The following GVQW3 variants were observed in gnomAD, a reference collection of about 807,000 sequenced individuals.
The protein encoded by GVQW3 is protein GVQW3.
Under a neutral mutation model 12.5 loss-of-function variants are expected in GVQW3, and 7 were observed. The ratio of observed to expected loss-of-function variants is 0.56; its 90% CI spans 0.32 to 1.05. The LOEUF (loss-of-function observed/expected upper bound fraction) is 1.05. Ranked by LOEUF, GVQW3 falls within the 50% of genes least tolerant of loss-of-function variation. The pLI, the probability that GVQW3 is intolerant of heterozygous loss-of-function variation, is 0.04. For missense variants in GVQW3, 188 were observed against 190.8 expected (o/e 0.99, Z 0.09); for synonymous variants, 71 against 67.2 (o/e 1.06, Z -0.28).
intron 1 of GVQW3, among the ~76,000 whole-genome samples, chr11:76,402,919 T>G (rs1356848828): frequency 6.6e-6 from 1 of 151,232 alleles, no homozygotes; most frequent in African/African-American, 2.4e-5. Context: ...AGGCTGGAGG[T>G]AGACATTTAT....
chr11:76,409,861 T>G (rs1947069478), downstream of GVQW3, among the ~76,000 whole-genome samples: 1 of 152,174 alleles, frequency 6.6e-6, no homozygotes, highest in African/African-American at 2.4e-5. Context: ...TGAAAACAAT[T>G]TATTGATCAG....
At chr11:76,400,914 CTT>C in intron 1 of GVQW3, among the ~76,000 whole-genome samples, 1 of 152,056 alleles carries the variant, frequency 6.6e-6, no homozygotes, top group Non-Finnish European at 1.5e-5. Flanking sequence ...ATCTTTGAGT[CTT>C]TAATTTTAGT....
chr11:76,381,906 C>T lies in GVQW3; in HGVS notation c.78C>T (p.His26=). ...TGAACAAGTCTGCAAGTGAGACCCA[C>T]CATCTTTTAAAAGAAGCTTATGGGG... ...VKLNKSASET[H]HLLKEAYGDE... The change falls in exon 1 of 2, where the codon CAC becomes CAT. Residue 26 remains histidine, a synonymous_variant. Transcript: ENST00000529331. 6.5e-7 allele frequency: 1 copy of T among 1,536,494 alleles called. No homozygotes were observed. The highest frequency in any genetic ancestry group is 2.0e-5 in the Admixed American group (1 of 50,992).
At chr11:76,384,930 T>G (rs2134535249) in intron 1 of GVQW3, among the ~76,000 whole-genome samples, 1 of 152,322 alleles carries the variant, frequency 6.6e-6, no homozygotes, top group South Asian at 2.1e-4. Flanking sequence ...TGTTGCAGAT[T>G]TATATGCTCC....
At chr11:76,382,783 G>A (rs1182069158) in intron 1 of GVQW3, 7 of 233,160 alleles carry the variant, frequency 3.0e-5, no homozygotes, top group African/African-American at 4.5e-5. Flanking sequence ...GATCATGCCA[G>A]TGAGAAGAGA....
At chr11:76,393,986 C>T (rs544884060) in intron 1 of GVQW3, among the ~76,000 whole-genome samples, 16 of 152,230 alleles carry the variant, frequency 1.1e-4, no homozygotes, top group African/African-American at 3.9e-4. Flanking sequence ...GCAGCCTCCA[C>T]CTCCTGGGTT....
intron 1 of GVQW3, among the ~76,000 whole-genome samples, chr11:76,396,178 A>G (rs974454194): frequency 6.6e-6 from 1 of 152,126 alleles, no homozygotes; most frequent in African/African-American, 2.4e-5. Flanking sequence ...TATCATTATC[A>G]TATGATTCTT....
chr11:76,412,316 G>A (rs1234187531), downstream of GVQW3: 1 of 152,270 alleles, frequency 6.6e-6, no homozygotes, highest in African/African-American at 2.4e-5. Flanking sequence ...AGAGGATGGA[G>A]TGATTCATTC....
chr11:76,394,405 A>G (rs1449901372), intron 1 of GVQW3, among the ~76,000 whole-genome samples: 1 of 150,440 alleles, frequency 6.6e-6, no homozygotes, highest in Non-Finnish European at 1.5e-5. Flanking sequence ...CATTTATTTT[A>G]ATTGTAGCTC....
chr11:76,410,007 A>G (rs1459906957), downstream of GVQW3, among the ~76,000 whole-genome samples: 1 of 152,172 alleles, frequency 6.6e-6, no homozygotes, highest in Non-Finnish European at 1.5e-5. Context: ...CTGTAATTCC[A>G]GCACTTTGGG....
Position 76,381,801 on chromosome 11 carries a change from A to AAACGTG in GVQW3, c.-23_-22insGAACGT, listed in dbSNP as rs1946771639. On this transcript the variant is annotated 5_prime_UTR_variant, in exon 1 of 2. Transcript: ENST00000529331. The stretch of plus-strand genomic sequence containing the variant: ...CTTTCCCTTACAGTCGTGGCCTGTT[A>AAACGTG]AACGTTCCTGTGTTGTTCAGTGCCA... The AAACGTG allele has an allele frequency of 6.7e-7, 1 of 1,492,116 alleles. No individual in the cohort carries two copies. Among genetic ancestry groups the AAACGTG allele is most frequent in the African/African-American group, 1.4e-5 (1 of 71,498 alleles). 92.4% of individuals were successfully genotyped at this position (1,492,116 alleles called of 1,614,324 possible). A position where few individuals can be genotyped will look rare whatever the true frequency, so the allele number is the denominator to read the frequency against.
intron 1 of GVQW3, among the ~76,000 whole-genome samples, chr11:76,391,487 C>T (rs1279321689): frequency 6.6e-6 from 1 of 152,178 alleles, no homozygotes; most frequent in African/African-American, 2.4e-5. Flanking sequence ...GAGACCAGGG[C>T]ATTGACAGAA....
chr11:76,385,527 G>T (rs924898874), intron 1 of GVQW3, among the ~76,000 whole-genome samples: 3 of 152,110 alleles, frequency 2.0e-5, no homozygotes, highest in Non-Finnish European at 4.4e-5. Context: ...CTCTTTCCTT[G>T]TTGCTTTGTT....
At chr11:76,382,484 C>A (rs906486437) in intron 1 of GVQW3, 191 bp downstream of exon 1, 10 of 632,440 alleles carry the variant, frequency 1.6e-5, no homozygotes, top group Non-Finnish European at 2.8e-5. Flanking sequence ...TTAGCTGAAC[C>A]AGAACTAGGA....
At chr11:76,387,750 C>G (rs1002047917) in intron 1 of GVQW3, among the ~76,000 whole-genome samples, 1 of 151,950 alleles carries the variant, frequency 6.6e-6, no homozygotes, top group African/African-American at 2.4e-5. Flanking sequence ...GGTGAAACCC[C>G]ATCTCTACAA....
chr11:76,410,039 T>C (rs775216027), downstream of GVQW3, among the ~76,000 whole-genome samples: 1 of 152,170 alleles, frequency 6.6e-6, no homozygotes, highest in Non-Finnish European at 1.5e-5. Flanking sequence ...GGAGGATCAC[T>C]TGAACCCAGG....
intron 1 of GVQW3, among the ~76,000 whole-genome samples, chr11:76,390,348 G>A (rs1020166325): frequency 5.3e-5 from 8 of 152,144 alleles, no homozygotes; most frequent in Non-Finnish European, 1.0e-4. Context: ...TACCCTCTAA[G>A]GTTGTCAGTT....
downstream of GVQW3, among the ~76,000 whole-genome samples, chr11:76,409,804 T>G (rs1286810957): frequency 6.6e-6 from 1 of 152,194 alleles, no homozygotes; most frequent in Non-Finnish European, 1.5e-5. Context: ...TACTGAACTG[T>G]CACCCAGCAC....
chr11:76,390,164 A>T (rs1173530122), intron 1 of GVQW3: 1 of 152,188 alleles, frequency 6.6e-6, no homozygotes, highest in African/African-American at 2.4e-5. Context: ...AAACCTCCAA[A>T]TGAGTACACA....
Sources: gnomAD v4.1 joint callset for allele counts (sites outside exome capture counted in the v4.1 genomes callset) on GRCh38, gnomAD v4.1.1 for gene constraint, MANE v1.5 for transcripts, NCBI Gene and HGNC (gene_info 2026-07-23, HGNC 2026-07-21) for gene names.